The following RNF187 variants were observed in gnomAD, a reference collection of about 807,000 sequenced individuals.
The protein encoded by RNF187 is E3 ubiquitin-protein ligase RNF187.
RNF187 carries 18 observed loss-of-function variants against 22.2 expected under a neutral mutation model. The observed-to-expected ratio is 0.81, with a 90% CI of 0.56 to 1.20. RNF187 has a LOEUF of 1.20. RNF187 is among the 50% of genes most tolerant of loss of function. The pLI is 0.00. For synonymous variants in RNF187, 164 were observed against 140.9 expected (o/e 1.16, Z -1.16); for missense variants, 329 against 317.6 (o/e 1.04, Z -0.27).
chr1:228,488,797 T>A, intron 1 of RNF187, among the ~76,000 whole-genome samples, 163 bp from the exon 2 acceptor site: 4 of 152,186 alleles, frequency 2.6e-5, no homozygotes, highest in Non-Finnish European at 5.9e-5. Flanking sequence ...CCAAGAAACC[T>A]TTTGACTGCC....
Position 228,493,819 on chromosome 1 carries a change from C to T in RNF187, c.706-64C>T. 2 of 1,521,778 alleles carry T rather than the reference C, an allele frequency of 1.3e-6. No individual in the cohort carries two copies. The highest frequency in any genetic ancestry group is 2.0e-5 in the Admixed American group (1 of 50,986). 94.3% of individuals were successfully genotyped at this position (1,521,778 alleles called of 1,614,324 possible). On this transcript the variant is annotated intron_variant, in intron 3 of 3. Coordinates refer to ENST00000305943, the MANE Select transcript of RNF187 (RefSeq NM_001010858.3). The surrounding 1 kb of genome is among the most constrained non-coding windows in gnomAD (Gnocchi z 4.7). Reference sequence around the variant, plus strand: ...TTTCGCTCTCTCCTTTTGCCTCTGTCTCTGACTCTGTGTGTCTCTTTCTCT... The same window carrying T: ...TTTCGCTCTCTCCTTTTGCCTCTGTTTCTGACTCTGTGTGTCTCTTTCTCT...
chr1:228,488,967 A>T lies in RNF187; in HGVS notation c.398A>T (p.Lys133Met). The T allele has an allele frequency of 6.4e-7, 1 of 1,551,152 alleles. No individual in the cohort carries two copies. Among genetic ancestry groups the T allele is most frequent in the Non-Finnish European group, 8.7e-7 (1 of 1,146,896 alleles). Residue 133 changes from lysine to methionine, a missense_variant, in exon 2 of 4, where the codon AAG (lysine) becomes ATG (methionine). Coordinates refer to ENST00000305943, the MANE Select transcript of RNF187 (RefSeq NM_001010858.3). ...ACCTTCTTTTCTTTACAGGAGAACA[A>T]GGGGTCTGTGGAAATCATGAGAAAG...
At position 228,494,514 on chromosome 1, in the gene RNF187, A is replaced by G; in HGVS notation, c.*629A>G. 2 of 984,878 alleles carry G rather than the reference A, an allele frequency of 2.0e-6. No homozygotes were observed. Among genetic ancestry groups the G allele is most frequent in the Non-Finnish European group, 2.4e-6 (2 of 830,182 alleles). 61.0% of individuals were successfully genotyped at this position (984,878 alleles called of 1,614,324 possible). A position where few individuals can be genotyped will look rare whatever the true frequency, so the allele number is the denominator to read the frequency against. Reference sequence around the variant, plus strand: ...CCCCCACCCCACTCCTGTGCCTCCCAGGAGCCCTCCCTGTGCTCCACCTGC... The same window carrying G: ...CCCCCACCCCACTCCTGTGCCTCCCGGGAGCCCTCCCTGTGCTCCACCTGC... On this transcript the variant is annotated 3_prime_UTR_variant, in exon 4 of 4. Coordinates refer to ENST00000305943, the MANE Select transcript of RNF187 (RefSeq NM_001010858.3).
intron 2 of RNF187, among the ~76,000 whole-genome samples, chr1:228,491,404 A>AT: frequency 0.016 from 2,346 of 144,230 alleles, 69 homozygotes; most frequent in African/African-American, 0.057. Flanking sequence ...AAAAAAAAAA[A>AT]AAAAATAAAG....
At position 228,494,828 on chromosome 1, in the gene RNF187, A is replaced by G; in HGVS notation, c.*943A>G. 49 of 985,434 alleles carry G rather than the reference A, an allele frequency of 5.0e-5. No homozygotes were observed. The African/African-American group carries it at 7.2e-4, about 14-fold the overall frequency. 61.0% of individuals were successfully genotyped at this position (985,434 alleles called of 1,614,324 possible). Reference sequence around the variant, plus strand: ...TGCAGACAGTTGTTGAGATTTGGGGATAGCCGGGCTTGTGAGCGGTGCCCA... The same window carrying G: ...TGCAGACAGTTGTTGAGATTTGGGGGTAGCCGGGCTTGTGAGCGGTGCCCA... On this transcript the variant is annotated 3_prime_UTR_variant, in exon 4 of 4. Coordinates refer to ENST00000305943, the MANE Select transcript of RNF187 (RefSeq NM_001010858.3).
At chr1:228,490,169 C>G in intron 2 of RNF187, among the ~76,000 whole-genome samples, 1 of 152,230 alleles carries the variant, frequency 6.6e-6, no homozygotes. Flanking sequence ...CTGGCTGCAT[C>G]TCGAGGCTGA....
In RNF187 at chr1:228,487,407, T is replaced by G. The variant is rs1558487169; in HGVS notation, c.-82T>G. On this transcript the variant is annotated 5_prime_UTR_variant, in exon 1 of 4. Transcript: ENST00000305943. Reference sequence around the variant, plus strand: ...GTTGGCGTCTTCGTCCTGTTGCTGGTCTCCGTCCGGTCGCCGGCCGTCTAG... The same window carrying G: ...GTTGGCGTCTTCGTCCTGTTGCTGGGCTCCGTCCGGTCGCCGGCCGTCTAG... 3 of 1,074,352 alleles carry G rather than the reference T, an allele frequency of 2.8e-6. No individual in the cohort carries two copies. The highest frequency in any genetic ancestry group is 1.7e-5 in the African/African-American group (1 of 59,164). 66.6% of individuals were successfully genotyped at this position (1,074,352 alleles called of 1,614,324 possible).
chr1:228,492,944 A>G, intron 2 of RNF187, 109 bp from the exon 3 acceptor site: 2 of 1,180,356 alleles, frequency 1.7e-6, no homozygotes, highest in South Asian at 3.1e-5. Context: ...GTGCCTGAGC[A>G]GCATGTTTTG....
intron 2 of RNF187, among the ~76,000 whole-genome samples, chr1:228,489,772 G>GT: frequency 2.6e-5 from 1 of 37,918 alleles, no homozygotes; most frequent in African/African-American, 1.6e-4. Flanking sequence ...GGTGTCTCTG[G>GT]GGCCTTTGTG....
Position 228,487,542 on chromosome 1 carries a change from G to T in RNF187, c.54G>T (p.Ala18=). 8.2e-7 allele frequency: 1 copy of T among 1,221,450 alleles called. No individual in the cohort carries two copies. Among genetic ancestry groups the T allele is most frequent in the Non-Finnish European group, 1.0e-6 (1 of 974,190 alleles). The allele number at this position is 1,221,450 out of a possible 1,614,324, so 75.7% of individuals were successfully genotyped here. ...CCGCCTGCGCCCTGTGCCAGCGCGC[G>T]CCCCGGGAACCGGTGCGCGCCGACT... Residue 18 remains alanine, a synonymous_variant, in exon 1 of 4, where the codon GCG becomes GCT. Coordinates refer to ENST00000305943, the MANE Select transcript of RNF187 (RefSeq NM_001010858.3).
Position 228,487,865 on chromosome 1 carries a change from C to T in RNF187, c.377C>T (p.Ala126Val). 1.6e-6 allele frequency: 2 copies of T among 1,225,604 alleles called. No homozygotes were observed. Among genetic ancestry groups the T allele is most frequent in the Non-Finnish European group, 2.0e-6 (2 of 979,400 alleles). The allele number at this position is 1,225,604 out of a possible 1,614,324, so 75.9% of individuals were successfully genotyped here. ...GAGTGGGAACCGCGCTGGAGGAAGG[C>T]GCTGCGCGGCAAGGTGCGCGCCGCG... The change falls in exon 1 of 4, where the codon GCG (alanine) becomes GTG (valine). Residue 126 changes from alanine (A) to valine (V), a missense_variant. Transcript: ENST00000305943.
Position 228,494,725 on chromosome 1 carries a change from G to A in RNF187, c.*840G>A. On this transcript the variant is annotated 3_prime_UTR_variant, in exon 4 of 4. Coordinates refer to ENST00000305943, the MANE Select transcript of RNF187 (RefSeq NM_001010858.3). ...GCTTGTAGCAGTAGCTCAGTTGCCT[G>A]CAGCATCCTTGTGTGTAGATAAATT... 2.0e-6 allele frequency: 2 copies of A among 985,416 alleles called. No homozygotes were observed. The highest frequency in any genetic ancestry group is 2.4e-6 in the Non-Finnish European group (2 of 830,008). 61.0% of individuals were successfully genotyped at this position (985,416 alleles called of 1,614,324 possible). A position where few individuals can be genotyped will look rare whatever the true frequency, so the allele number is the denominator to read the frequency against.
Position 228,487,441 on chromosome 1 carries a change from C to T in RNF187, c.-48C>T, listed in dbSNP as rs1220509912. ...GGTCGCCGGCCGTCTAGGTCTCCGG[C>T]CCTCCCCAGCCGCTCCTGCGCCCTT... On this transcript the variant is annotated 5_prime_UTR_variant, in exon 1 of 4. Transcript: ENST00000305943. The T allele has an allele frequency of 9.1e-7, 1 of 1,095,536 alleles. No homozygotes were observed. Among genetic ancestry groups the T allele is most frequent in the South Asian group, 4.3e-5 (1 of 23,006 alleles). 67.9% of individuals were successfully genotyped at this position (1,095,536 alleles called of 1,614,324 possible).
Position 228,491,402 on chromosome 1 carries a change from A to AT in RNF187, c.484-1651_484-1650insT. ...GGCCCTATCTCAAAAAAAAAAAAAA[A>AT]AAAAAAATAAAGGGAGATGGGTTAA... On this transcript the variant is annotated intron_variant, in intron 2 of 3. Coordinates refer to ENST00000305943, the MANE Select transcript of RNF187 (RefSeq NM_001010858.3). Among the ~76,000 whole-genome samples, 184 of 150,468 alleles carry AT rather than the reference A, an allele frequency of 1.2e-3. 2 individuals are homozygous for AT. The highest frequency in any genetic ancestry group is 3.9e-3 in the African/African-American group (162 of 41,118).
In RNF187 at chr1:228,493,044, C is replaced by T; in HGVS notation, c.484-9C>T. 26 of 1,534,898 alleles carry T rather than the reference C, an allele frequency of 1.7e-5. 1 individual carries two copies. Among genetic ancestry groups the T allele is most frequent in the Admixed American group, 1.6e-4 (8 of 50,220 alleles). On this transcript the variant is annotated splice_polypyrimidine_tract_variant and intron_variant, in intron 2 of 3. Transcript: ENST00000305943. The surrounding 1 kb of genome is among the most constrained non-coding windows in gnomAD (Gnocchi z 4.7). The stretch of plus-strand genomic sequence containing the variant: ...AGGACACAGGTCTTTTCCTGCCACC[C>T]GTTTGCAGGGACACGTGATGGACCG...
At chr1:228,492,971 A>C in intron 2 of RNF187, 82 bp from the exon 3 acceptor site, 1 of 1,418,368 alleles carries the variant, frequency 7.1e-7, no homozygotes, top group East Asian at 2.5e-5. Flanking sequence ...CATGTTCTTA[A>C]CTCCTTCAAG....
chr1:228,492,938 C>T, intron 2 of RNF187, 115 bp from the exon 3 acceptor site: 1 of 1,155,516 alleles, frequency 8.7e-7, no homozygotes, highest in Non-Finnish European at 1.2e-6. Context: ...GTCGATGTGC[C>T]TGAGCAGCAT....
chr1:228,491,786 T>A, intron 2 of RNF187, among the ~76,000 whole-genome samples: 5 of 152,228 alleles, frequency 3.3e-5, no homozygotes, highest in Admixed American at 1.3e-4. Context: ...GGCTCCCTTA[T>A]AATGAAATGA....
chr1:228,488,715 A>C, intron 1 of RNF187, among the ~76,000 whole-genome samples: 2 of 152,212 alleles, frequency 1.3e-5, no homozygotes, highest in Non-Finnish European at 2.9e-5. Context: ...ACTTACAGAC[A>C]CAGAACTCCT....
Sources: allele counts gnomAD v4.1 joint callset (sites outside exome capture counted in the v4.1 genomes callset), GRCh38; gene constraint gnomAD v4.1.1; non-coding constraint Gnocchi (gnomAD v3.1); transcripts MANE v1.5; gene names NCBI Gene and HGNC (gene_info 2026-07-23, HGNC 2026-07-21).